Variants in CHD6 observed in about 807,000 individuals in gnomAD.
CHD6 encodes chromodomain helicase DNA binding protein 6, also known as ATP-dependent chromatin remodeler CHD6.
In CHD6, 50 loss-of-function variants were observed where a neutral mutation model predicts 276.9. The ratio of observed to expected loss-of-function variants is 0.18; its 90% CI spans 0.14 to 0.23. The LOEUF is 0.23. CHD6 is among the 10% of genes least tolerant of loss of function. The pLI, the probability that CHD6 is intolerant of heterozygous loss-of-function variation, is 1.00. For synonymous variants in CHD6, 1,173 were observed against 1,229.3 expected (o/e 0.95, Z 0.96); for missense variants, 2,564 against 3,365.8 (o/e 0.76, Z 5.89).
intron 7 of CHD6, 199 bp from the exon 8 acceptor site, chr20:41,497,700 C>A (rs2145893238): frequency 1.7e-6 from 1 of 571,790 alleles, no homozygotes; most frequent in Admixed American, 2.9e-5. Flanking sequence ...TAATTCCAAG[C>A]AACTGATCTC....
intron 2 of CHD6, among the ~76,000 whole-genome samples, chr20:41,538,580 A>C (rs2044880819): frequency 6.6e-6 from 1 of 152,236 alleles, no homozygotes; most frequent in African/African-American, 2.4e-5. Context: ...AATCTTGTGA[A>C]TATTCTAAAA....
At chr20:41,557,819 T>TG (rs1257230070) in intron 1 of CHD6, among the ~76,000 whole-genome samples, 1 of 152,124 alleles carries the variant, frequency 6.6e-6, no homozygotes, top group Non-Finnish European at 1.5e-5. Flanking sequence ...ACAGAGTATG[T>TG]GGGAAGCAAC....
At chr20:41,483,682 A>C (rs942259583) in intron 15 of CHD6, among the ~76,000 whole-genome samples, 163 bp from the exon 16 acceptor site, 1 of 152,160 alleles carries the variant, frequency 6.6e-6, no homozygotes, top group Non-Finnish European at 1.5e-5. Context: ...CCTTCAGCAG[A>C]GGGCTCTGCA....
intron 26 of CHD6, 140 bp downstream of exon 26, chr20:41,439,860 G>C: frequency 1.3e-6 from 1 of 788,546 alleles, no homozygotes; most frequent in South Asian, 2.0e-5. Flanking sequence ...TAGCAATTAT[G>C]GAAAACAGCG....
chr20:41,531,166 AAGG>A (rs1369859503), intron 3 of CHD6, among the ~76,000 whole-genome samples: 1 of 152,170 alleles, frequency 6.6e-6, no homozygotes, highest in African/African-American at 2.4e-5. Flanking sequence ...TTCCTTAAAA[AAGG>A]AGGAGTTGAT....
chr20:41,509,464 G>C (rs2044061372), intron 5 of CHD6, among the ~76,000 whole-genome samples: 1 of 152,150 alleles, frequency 6.6e-6, no homozygotes, highest in African/African-American at 2.4e-5. Context: ...AAGAGCAAAG[G>C]GGAGGGGCAC....
At chr20:41,515,369 G>C (rs117239304) in intron 3 of CHD6, among the ~76,000 whole-genome samples, 4 of 152,150 alleles carry the variant, frequency 2.6e-5, no homozygotes, top group African/African-American at 7.2e-5. Context: ...GCTGGACCTG[G>C]AGTGAACACT....
chr20:41,512,511 G>A (rs1045377101), intron 5 of CHD6, among the ~76,000 whole-genome samples: 2 of 151,062 alleles, frequency 1.3e-5, no homozygotes, highest in Admixed American at 1.3e-4. Flanking sequence ...AGGAACAACA[G>A]AGGCAAAGGT....
intron 1 of CHD6, among the ~76,000 whole-genome samples, chr20:41,596,104 C>T (rs1012527824): frequency 6.6e-5 from 10 of 152,174 alleles, no homozygotes; most frequent in East Asian, 1.9e-4. Flanking sequence ...CCCTGCCCTG[C>T]GGGCCCCGTC....
intron 1 of CHD6, among the ~76,000 whole-genome samples, chr20:41,567,808 T>C (rs1243885151): frequency 1.3e-5 from 2 of 152,166 alleles, no homozygotes; most frequent in Admixed American, 6.6e-5. Flanking sequence ...ATGACCTTGC[T>C]GGATGTGGAC....
rs1204937591 is a variant in CHD6 at position 41,403,677 on chromosome 20, A to C, written c.*916T>G. On this transcript the variant is annotated 3_prime_UTR_variant, in exon 37 of 37. Transcript: ENST00000373233. ...AAAGAACCTTATTCTTGGTGAAGGA[A>C]AGCCTGAAGTGAAAATCCATTCGGT... 9.4e-7 allele frequency: 1 copy of C among 1,059,916 alleles called. No individual in the cohort carries two copies. Among genetic ancestry groups the C allele is most frequent in the African/African-American group, 1.6e-5 (1 of 60,866 alleles). The allele number at this position is 1,059,916 out of a possible 1,614,324, so 65.7% of individuals were successfully genotyped here.
At chr20:41,432,671 G>A (rs1049105770) in intron 27 of CHD6, among the ~76,000 whole-genome samples, 2 of 151,942 alleles carry the variant, frequency 1.3e-5, no homozygotes, top group African/African-American at 4.8e-5. Flanking sequence ...ACAATACAAT[G>A]TCCAAAATGT....
intron 17 of CHD6, 88 bp from the exon 18 acceptor site, chr20:41,457,516 TG>T: frequency 2.1e-6 from 3 of 1,430,310 alleles, no homozygotes; most frequent in Non-Finnish European, 2.8e-6. Context: ...AAATGTCATG[TG>T]GTGTGAGTGG....
intron 17 of CHD6, among the ~76,000 whole-genome samples, chr20:41,465,880 C>T (rs963117375): frequency 2.0e-5 from 3 of 152,168 alleles, no homozygotes; most frequent in Admixed American, 6.5e-5. Context: ...CTGTCCCTTC[C>T]ATCCTGTTCT....
chr20:41,417,378 C>T, intron 31 of CHD6, 29 bp from the exon 32 acceptor site: 1 of 1,601,146 alleles, frequency 6.2e-7, no homozygotes. Flanking sequence ...ATTAATCAGG[C>T]ACTTAACTAT....
chr20:41,542,987 C>A (rs1275621382), intron 2 of CHD6, among the ~76,000 whole-genome samples: 1 of 151,648 alleles, frequency 6.6e-6, no homozygotes, highest in Admixed American at 6.6e-5. Context: ...GCCTGTAATC[C>A]CAGCTACTCA....
intron 1 of CHD6, among the ~76,000 whole-genome samples, chr20:41,566,560 G>A (rs1325459739): frequency 4.6e-5 from 7 of 152,154 alleles, no homozygotes; most frequent in Non-Finnish European, 7.4e-5. Context: ...TCCTTACTGA[G>A]GGGACCATGT....
At position 41,584,793 on chromosome 20, in the gene CHD6, T is replaced by C. The variant is rs111699826; in HGVS notation, c.-23-33433A>G. 9.9e-5 allele frequency among the ~76,000 whole-genome samples: 15 copies of C among 152,200 alleles called. 3 individuals carry two copies. The highest frequency in any genetic ancestry group is 3.4e-4 in the African/African-American group (14 of 41,540). ...CAAAACAACATGAAAATTTACAGAA[T>C]GCAACTTAAACAGTGCTTAGACAAA... On this transcript the variant is annotated intron_variant, in intron 1 of 36. Coordinates refer to ENST00000373233, the MANE Select transcript of CHD6 (RefSeq NM_032221.5).
intron 1 of CHD6, among the ~76,000 whole-genome samples, chr20:41,562,959 A>G (rs1029204206): frequency 6.6e-6 from 1 of 152,268 alleles, no homozygotes; most frequent in Admixed American, 6.5e-5. Flanking sequence ...AGAAGGCACT[A>G]GTACTGTCAT....
Sources: gnomAD v4.1 joint callset for allele counts (sites outside exome capture counted in the v4.1 genomes callset) on GRCh38, gnomAD v4.1.1 for gene constraint, MANE v1.5 for transcripts, NCBI Gene and HGNC (gene_info 2026-07-23, HGNC 2026-07-21) for gene names.